Variants in NIPA2 observed in about 807,000 individuals in gnomAD.
NIPA2 encodes magnesium transporter NIPA2.
A neutral mutation model predicts 29.7 loss-of-function variants in NIPA2; 11 were observed. That is an observed-to-expected ratio of 0.37 (90% confidence interval 0.23 to 0.61). The LOEUF is 0.61. Among genes scored for constraint, NIPA2 ranks in the 20% least tolerant of loss-of-function variants. The probability of loss-of-function intolerance (pLI) is 0.66; values close to 1 mark genes in which losing one functional copy is unlikely to be tolerated. For synonymous variants in NIPA2, 183 were observed against 161.9 expected (o/e 1.13, Z -0.99); for missense variants, 426 against 437.9 (o/e 0.97, Z 0.24).
chr15:22,843,736 C>T (rs963480236), intron 2 of NIPA2, among the ~76,000 whole-genome samples: 2 of 151,848 alleles, frequency 1.3e-5, no homozygotes, highest in African/African-American at 4.8e-5. Context: ...CTGCAACCTC[C>T]ACCTCCCAGG....
At chr15:22,862,049 C>CTTTTT (rs57513456) in intron 7 of NIPA2, among the ~76,000 whole-genome samples, 4 of 103,978 alleles carry the variant, frequency 3.8e-5, no homozygotes, top group Non-Finnish European at 5.5e-5. Context: ...ATGGGTCTCT[C>CTTTTT]TTTTTTTTTT....
chr15:22,856,689 T>C (rs549481430), intron 5 of NIPA2, among the ~76,000 whole-genome samples: 1 of 152,322 alleles, frequency 6.6e-6, no homozygotes, highest in East Asian at 1.9e-4. Flanking sequence ...GGATAAACTT[T>C]AACAGCTACT....
intron 5 of NIPA2, among the ~76,000 whole-genome samples, chr15:22,855,134 C>T (rs973500310): frequency 8.6e-5 from 13 of 151,940 alleles, no homozygotes; most frequent in African/African-American, 1.7e-4. Context: ...TATTCTGGGC[C>T]GGGCGTGGTG....
intron 2 of NIPA2, among the ~76,000 whole-genome samples, chr15:22,840,743 A>C (rs76485679): frequency 0.15 from 22,426 of 152,128 alleles, 1,966 homozygotes; most frequent in Admixed American, 0.27. Flanking sequence ...TATTGCGTAG[A>C]AGAGAAATGA....
chr15:22,862,675 G>T (rs905524535), intron 7 of NIPA2, among the ~76,000 whole-genome samples: 1 of 151,944 alleles, frequency 6.6e-6, no homozygotes, highest in African/African-American at 2.4e-5. Flanking sequence ...TTCTTTGTGG[G>T]CCTCCTGTGG....
intron 7 of NIPA2, among the ~76,000 whole-genome samples, chr15:22,861,772 T>C (rs1466909878): frequency 2.0e-5 from 3 of 152,122 alleles, no homozygotes; most frequent in Non-Finnish European, 4.4e-5. Flanking sequence ...CAGGGCCGTG[T>C]TGCCCAGGCT....
At chr15:22,842,570 T>A (rs1897367964) in intron 2 of NIPA2, among the ~76,000 whole-genome samples, 1 of 150,990 alleles carries the variant, frequency 6.6e-6, no homozygotes, top group African/African-American at 2.4e-5. Flanking sequence ...AACTCACGCC[T>A]GTAATCCCAG....
At chr15:22,860,026 CT>C (rs11315074) in intron 6 of NIPA2, among the ~76,000 whole-genome samples, 29,491 of 138,930 alleles carry the variant, frequency 0.21, 2,969 homozygotes, top group Admixed American at 0.31. Context: ...GATAGAGATT[CT>C]TTTTTTTTTT....
intron 3 of NIPA2, among the ~76,000 whole-genome samples, chr15:22,847,069 A>G (rs888155834): frequency 6.6e-6 from 1 of 151,092 alleles, no homozygotes; most frequent in Non-Finnish European, 1.5e-5. Context: ...ATGCCCTGCT[A>G]ATTTTTTTGT....
Position 22,866,678 on chromosome 15 carries a change from G to C in NIPA2, c.914G>C (p.Ser305Thr). Reference sequence around the variant, plus strand: ...CATGCCTTTAAAGACGTCAGCTTTAGTCTAGCAAGTCTGCCTGTGTCTTTT... The same window carrying C: ...CATGCCTTTAAAGACGTCAGCTTTACTCTAGCAAGTCTGCCTGTGTCTTTT... The part of the protein sequence containing the change: ...LLHAFKDVSF[S>T]LASLPVSFRK... The change falls in exon 8 of 8, where the codon AGT becomes ACT. Residue 305 changes from serine (S) to threonine (T), a missense_variant. Ser to Thr is a moderately conservative substitution (Grantham distance 58). This residue lies in a region of NIPA2 where 357 missense variants were observed against 339.8 expected (regional missense o/e 1.05). Coordinates refer to ENST00000337451, the MANE Select transcript of NIPA2 (RefSeq NM_030922.7). The C allele has an allele frequency of 6.2e-7, 1 of 1,614,068 alleles. No homozygotes were observed. Among genetic ancestry groups the C allele is most frequent in the Non-Finnish European group, 8.5e-7 (1 of 1,179,982 alleles).
chr15:22,844,586 G>C (rs973087389), intron 2 of NIPA2, among the ~76,000 whole-genome samples: 4 of 151,738 alleles, frequency 2.6e-5, no homozygotes, highest in Non-Finnish European at 2.9e-5. Context: ...AATGTAGAGA[G>C]AACAAGCAGA....
At chr15:22,860,104 C>T (rs540758328) in intron 6 of NIPA2, among the ~76,000 whole-genome samples, 4 of 150,684 alleles carry the variant, frequency 2.7e-5, no homozygotes, top group Admixed American at 2.0e-4. Flanking sequence ...GATGTCAGCT[C>T]GCTGCAACCT....
At position 22,850,721 on chromosome 15, in the gene NIPA2, G is replaced by A. The variant is rs2057671216; in HGVS notation, c.-93-918G>A. Among the ~76,000 whole-genome samples, 3 of 152,172 alleles carry A rather than the reference G, an allele frequency of 2.0e-5. No homozygotes were observed. The South Asian group carries it at 6.2e-4, about 31-fold the overall frequency. On this transcript the variant is annotated intron_variant, in intron 3 of 7. Transcript: ENST00000337451. Reference sequence around the variant, plus strand: ...GGGGCTAGGTGGACAGGGAGTTTAAGTTGCTTTGGTTAAAAGCCAGTGTCT... The same window carrying A: ...GGGGCTAGGTGGACAGGGAGTTTAAATTGCTTTGGTTAAAAGCCAGTGTCT...
chr15:22,858,497 A>G (rs555315142), intron 5 of NIPA2, 43 bp from the exon 6 acceptor site: 9 of 1,316,160 alleles, frequency 6.8e-6, no homozygotes, highest in East Asian at 2.4e-5. Flanking sequence ...AGTTGAGTAC[A>G]TACATTCTTA....
At chr15:22,840,076 A>G (rs1000370745) in intron 2 of NIPA2, among the ~76,000 whole-genome samples, 9 of 152,122 alleles carry the variant, frequency 5.9e-5, no homozygotes, top group Non-Finnish European at 1.2e-4. Flanking sequence ...GTGCGGCACC[A>G]TGCCTGGCTA....
rs1291446463 is a variant in NIPA2, at chr15:22,839,656, C to T, written c.-350C>T. 1 of 152,106 alleles carries T rather than the reference C, an allele frequency of 6.6e-6. No homozygotes were observed. The highest frequency in any genetic ancestry group is 1.5e-5 in the Non-Finnish European group (1 of 68,026). The allele number at this position is 152,106 out of a possible 1,614,324, so 9.4% of individuals were successfully genotyped here. ...ACTTCTGTGTTTTCTTCTTTCTAGG[C>T]TGGAGCTACTCGGCCAGGGTTTAAG... On this transcript the variant is annotated splice_region_variant and 5_prime_UTR_variant, in exon 2 of 8. Coordinates refer to ENST00000337451, the MANE Select transcript of NIPA2 (RefSeq NM_030922.7).
rs199509965 is a variant in NIPA2, at chr15:22,866,267, T to C, written c.503T>C (p.Val168Ala). ...VVIVALILIFVVGPRHGQTNI... is the reference protein window; with the variant it reads ...VVIVALILIFAVGPRHGQTNI... ...ATTGTGGCCTTGATATTAATCTTCG[T>C]GGTGGGTCCTCGCCATGGACAGACA... Residue 168 changes from valine (V) to alanine (A), a missense_variant, in exon 8 of 8, where the codon GTG becomes GCG. Physicochemically the swap from Val to Ala is moderately conservative, Grantham distance 64. Around this residue, in one of 3 missense-constraint regions of NIPA2, gnomAD observed 357 missense variants for 339.8 expected, o/e 1.05. Transcript: ENST00000337451. The C allele has an allele frequency of 5.6e-5, 91 of 1,613,804 alleles. No individual in the cohort carries two copies. The highest frequency in any genetic ancestry group is 7.5e-5 in the Non-Finnish European group (88 of 1,179,820).
intron 5 of NIPA2, among the ~76,000 whole-genome samples, chr15:22,854,347 G>T (rs936851937): frequency 6.6e-6 from 1 of 151,588 alleles, no homozygotes; most frequent in African/African-American, 2.4e-5. Context: ...GGATGGTCTC[G>T]ATCTCCTGAC....
In NIPA2 at chr15:22,867,058, T is replaced by A; in HGVS notation, c.*211T>A. The A allele has an allele frequency of 1.9e-6, 1 of 523,440 alleles. No homozygotes were observed. Among genetic ancestry groups the A allele is most frequent in the South Asian group, 3.4e-5 (1 of 29,766 alleles). The allele number at this position is 523,440 out of a possible 1,614,324, so 32.4% of individuals were successfully genotyped here. On this transcript the variant is annotated 3_prime_UTR_variant, in exon 8 of 8. Coordinates refer to ENST00000337451, the MANE Select transcript of NIPA2 (RefSeq NM_030922.7). ...TGACCTCAGCACATGACGATTTCTA[T>A]TAACATTTTATTGTTGTAGAAGTAT...
Sources: gnomAD v4.1 joint callset for allele counts (sites outside exome capture counted in the v4.1 genomes callset) on GRCh38, gnomAD v4.1.1 for gene constraint, gnomAD v4.1.1 regional missense constraint, MANE v1.5 for transcripts, NCBI Gene and HGNC (gene_info 2026-07-23, HGNC 2026-07-21) for gene names.